Variants in ITGA3 observed in about 807,000 individuals in gnomAD.
The protein encoded by ITGA3 is integrin alpha-3.
A neutral mutation model predicts 131.1 loss-of-function variants in ITGA3; 70 were observed. The observed-to-expected ratio is 0.53, with a 90% CI of 0.44 to 0.65. ITGA3 has a LOEUF of 0.65. ITGA3 is among the 30% of genes least tolerant of loss of function. The pLI is 0.00. For synonymous variants in ITGA3, 537 were observed against 571.6 expected (o/e 0.94, Z 0.86); for missense variants, 1,098 against 1,388.6 (o/e 0.79, Z 3.33).
Position 50,089,169 on chromosome 17 carries a change from G to A in ITGA3, c.*91G>A. 1 of 1,613,458 alleles carries A rather than the reference G, an allele frequency of 6.2e-7. No homozygotes were observed. Among genetic ancestry groups the A allele is most frequent in the Non-Finnish European group, 8.5e-7 (1 of 1,179,630 alleles). On this transcript the variant is annotated 3_prime_UTR_variant, in exon 26 of 26. Transcript: ENST00000320031. ...TCATGCCCAAGTACCACGCAGTGCGGATCCGGGAGGAGGAGCGCTACCCAC... is the reference window on the plus strand; with the variant it reads ...TCATGCCCAAGTACCACGCAGTGCGAATCCGGGAGGAGGAGCGCTACCCAC...
At chr17:50,060,656 G>A (rs1908032373) in intron 1 of ITGA3, among the ~76,000 whole-genome samples, 1 of 152,042 alleles carries the variant, frequency 6.6e-6, no homozygotes, top group African/African-American at 2.4e-5. Context: ...CACTCCATCT[G>A]GGGGGCTGGG....
At chr17:50,066,105 T>G (rs538725940) in intron 3 of ITGA3, 2 of 149,668 alleles carry the variant, frequency 1.3e-5, no homozygotes, top group East Asian at 4.0e-4. Flanking sequence ...CTCAGCTCAC[T>G]GCAGCCTTGA....
chr17:50,086,316 C>A (rs1259059934), intron 23 of ITGA3: 1 of 122,192 alleles, frequency 8.2e-6, no homozygotes, highest in Non-Finnish European at 1.7e-5. Flanking sequence ...AACTGGGAAC[C>A]TTTAGTTTTC....
chr17:50,090,217 G>C lies in ITGA3; in HGVS notation c.*1139G>C, dbSNP rs1352456383. 33 of 456,310 alleles carry C rather than the reference G, an allele frequency of 7.2e-5. No individual in the cohort carries two copies. The allele number at this position is 456,310 out of a possible 1,614,324, so 28.3% of individuals were successfully genotyped here. ...AGACCCCACGCTGACCATGCGTCAGGGGCCTAGAGGTGGAGTTCTTAGCTA... is the reference window on the plus strand; with the variant it reads ...AGACCCCACGCTGACCATGCGTCAGCGGCCTAGAGGTGGAGTTCTTAGCTA... On this transcript the variant is annotated 3_prime_UTR_variant, in exon 26 of 26. Coordinates refer to ENST00000320031, the MANE Select transcript of ITGA3 (RefSeq NM_002204.4).
intron 23 of ITGA3, among the ~76,000 whole-genome samples, chr17:50,084,456 A>C (rs1188877889): frequency 3.9e-5 from 6 of 152,160 alleles, no homozygotes; most frequent in Admixed American, 3.9e-4. Flanking sequence ...GGGATATTTT[A>C]GATAATTATT....
Position 50,087,859 on chromosome 17 carries a change from T to C in ITGA3, c.3035T>C (p.Leu1012Pro). The stretch of plus-strand genomic sequence containing the variant: ...CTGCTGCTGGGGCTGATCATCCTCC[T>C]GCTGTGGAAGGTTAGTAGCCCAGCC... ...GLLLLGLIIL[L>P]LWKCGFFKRA... Residue 1012 changes from leucine to proline, a missense_variant, in exon 24 of 26, where the codon CTG becomes CCG. By Grantham distance (98) the Leu-to-Pro change is moderately conservative. Coordinates refer to ENST00000320031, the MANE Select transcript of ITGA3 (RefSeq NM_002204.4). 1 of 1,592,928 alleles carries C rather than the reference T, an allele frequency of 6.3e-7. No individual in the cohort carries two copies. The highest frequency in any genetic ancestry group is 8.6e-7 in the Non-Finnish European group (1 of 1,169,212).
intron 10 of ITGA3, among the ~76,000 whole-genome samples, chr17:50,075,199 G>A (rs1360017319): frequency 1.3e-5 from 2 of 152,206 alleles, no homozygotes; most frequent in East Asian, 1.9e-4. Context: ...CCAACTGACT[G>A]AGGACTTCAG....
At chr17:50,069,981 C>T (rs1452760149) in intron 4 of ITGA3, among the ~76,000 whole-genome samples, 1 of 152,188 alleles carries the variant, frequency 6.6e-6, no homozygotes, top group African/African-American at 2.4e-5. Flanking sequence ...ACATGTAGCC[C>T]CAGGCATAGT....
In ITGA3 at chr17:50,056,704, G is replaced by C; in HGVS notation, c.206+59G>C. On this transcript the variant is annotated intron_variant, in intron 1 of 25. Transcript: ENST00000320031. The surrounding 1 kb of genome is among the most constrained non-coding windows in gnomAD (Gnocchi z 5.6). Reference sequence around the variant, plus strand: ...AGAGAGTGTGCGAGCGCGGGATGCGGGTCCGGAGCTGAGTCGGAGCCCAGG... The same window carrying C: ...AGAGAGTGTGCGAGCGCGGGATGCGCGTCCGGAGCTGAGTCGGAGCCCAGG... The C allele has an allele frequency of 6.6e-7, 1 of 1,514,640 alleles. No homozygotes were observed. The highest frequency in any genetic ancestry group is 8.9e-7 in the Non-Finnish European group (1 of 1,119,562). 93.8% of individuals were successfully genotyped at this position (1,514,640 alleles called of 1,614,324 possible). A position where few individuals can be genotyped will look rare whatever the true frequency, so the allele number is the denominator to read the frequency against.
At chr17:50,085,392 T>C (rs1392020405) in intron 23 of ITGA3, among the ~76,000 whole-genome samples, 1 of 151,862 alleles carries the variant, frequency 6.6e-6, no homozygotes, top group East Asian at 1.9e-4. Flanking sequence ...CAGCTGGGCA[T>C]GGTGGCTCAC....
rs777382358 is a variant in ITGA3, at chr17:50,084,337, C to T, written c.2919+2929C>T. ...TAAATTGGTAGATTCTTTTAGGAGACGAAGTTTTCAGTATCTATTAAAATT... is the reference window on the plus strand; with the variant it reads ...TAAATTGGTAGATTCTTTTAGGAGATGAAGTTTTCAGTATCTATTAAAATT... On this transcript the variant is annotated intron_variant, in intron 23 of 25. Transcript: ENST00000320031. Among the ~76,000 whole-genome samples, 9 of 149,568 alleles carry T rather than the reference C, an allele frequency of 6.0e-5. 1 individual carries two copies. The South Asian group carries it at 6.3e-4, about 10-fold the overall frequency.
Position 50,076,569 on chromosome 17 carries a change from C to T in ITGA3, c.1825-15C>T, listed in dbSNP as rs200189464. 5.4e-4 allele frequency: 863 copies of T among 1,611,964 alleles called. 2 individuals carry two copies. The highest frequency in any genetic ancestry group is 6.7e-4 in the Non-Finnish European group (796 of 1,179,546). Reference sequence around the variant, plus strand: ...GGGGGGTGGTGCGGCCTTCACACCTCCGGCCACCCCCCAGGTCCAGTTCCA... The same window carrying T: ...GGGGGGTGGTGCGGCCTTCACACCTTCGGCCACCCCCCAGGTCCAGTTCCA... On this transcript the variant is annotated splice_polypyrimidine_tract_variant and intron_variant, in intron 13 of 25. Transcript: ENST00000320031.
Position 50,078,219 on chromosome 17 carries a change from G to T in ITGA3, c.2232G>T (p.Gln744His). Residue 744 changes from glutamine to histidine, a missense_variant, in exon 18 of 26, where the codon CAG becomes CAT. By Grantham distance (24) the Gln-to-His change is conservative (BLOSUM62 0). This residue lies in a region of ITGA3 where 699 missense variants were observed against 829.2 expected (regional missense o/e 0.84). Coordinates refer to ENST00000320031, the MANE Select transcript of ITGA3 (RefSeq NM_002204.4). ...ATTTCCTCCCAAGGTCGAGTCACCA[G>T]GACAACCTGTGGCCCATGATCCTCA... ...VQLQLSTSSHQDNLWPMILTL... is the reference protein window; with the variant it reads ...VQLQLSTSSHHDNLWPMILTL... 1 of 1,614,032 alleles carries T rather than the reference G, an allele frequency of 6.2e-7. No individual in the cohort carries two copies. Among genetic ancestry groups the T allele is most frequent in the Non-Finnish European group, 8.5e-7 (1 of 1,179,972 alleles).
chr17:50,085,770 A>G (rs1039317875), intron 23 of ITGA3, among the ~76,000 whole-genome samples: 3 of 124,052 alleles, frequency 2.4e-5, no homozygotes, highest in African/African-American at 8.3e-5. Context: ...ATATTAGATT[A>G]TACATTATAG....
intron 1 of ITGA3, among the ~76,000 whole-genome samples, chr17:50,062,613 C>T (rs920335274): frequency 5.3e-5 from 8 of 152,226 alleles, no homozygotes; most frequent in Non-Finnish European, 4.4e-5. Context: ...TCCCAGCACC[C>T]GCAGGCAGTA....
chr17:50,058,016 C>A (rs919781815), intron 1 of ITGA3, among the ~76,000 whole-genome samples: 1 of 148,856 alleles, frequency 6.7e-6, no homozygotes. Context: ...CAAGTTTCTA[C>A]ATCAGCTCTT....
At chr17:50,076,783 A>G in intron 14 of ITGA3, 102 bp downstream of exon 14, 2 of 1,241,060 alleles carry the variant, frequency 1.6e-6, no homozygotes, top group South Asian at 2.5e-5. Flanking sequence ...GAGCCCAGGG[A>G]CAGGGCTTTA....
rs947130917 is a variant in ITGA3 at position 50,064,527 on chromosome 17, G to A, written c.335-1G>A. On this transcript the variant is annotated splice_acceptor_variant, in intron 2 of 25. Coordinates refer to ENST00000320031, the MANE Select transcript of ITGA3 (RefSeq NM_002204.4). LOFTEE classifies it high-confidence loss of function. The surrounding 1 kb of genome is among the most constrained non-coding windows in gnomAD (Gnocchi z 4.4). ...ATTCATGATCCTTCCGGTGCCCACA[G>A]ATGACCCTGGCCATCACATTATTGA... 6 of 1,611,266 alleles carry A rather than the reference G, an allele frequency of 3.7e-6. No homozygotes were observed. Among genetic ancestry groups the A allele is most frequent in the Non-Finnish European group, 3.4e-6 (4 of 1,179,196 alleles).
chr17:50,081,230 G>T, intron 22 of ITGA3, 80 bp from the exon 23 acceptor site: 1 of 852,964 alleles, frequency 1.2e-6, no homozygotes, highest in Non-Finnish European at 1.9e-6. Context: ...GGAGGGTGAT[G>T]GGGTGGGAAA....
Sources: allele counts gnomAD v4.1 joint callset (sites outside exome capture counted in the v4.1 genomes callset), GRCh38; gene constraint gnomAD v4.1.1; regional missense constraint gnomAD v4.1.1; non-coding constraint Gnocchi (gnomAD v3.1); transcripts MANE v1.5; gene names NCBI Gene and HGNC (gene_info 2026-07-23, HGNC 2026-07-21).